Variants in TAFA1 observed in about 807,000 individuals in gnomAD.
TAFA1 encodes the protein TAFA chemokine like family member 1.
In TAFA1, 4 loss-of-function variants were observed where a neutral mutation model predicts 18.5. The observed-to-expected ratio is 0.22, with a 90% CI of 0.11 to 0.49. The LOEUF (loss-of-function observed/expected upper bound fraction) is 0.49. Ranked by LOEUF, TAFA1 falls within the 20% of genes least tolerant of loss-of-function variation. The pLI, the probability that TAFA1 is intolerant of heterozygous loss-of-function variation, is 0.98. For missense variants in TAFA1, 147 were observed against 169.0 expected, an observed-to-expected ratio of 0.87 and a Z score of 0.72; for synonymous variants, 56 against 55.2, an observed-to-expected ratio of 1.01 and a Z score of -0.06.
chr3:67,996,245 G>A, the TAFA1 span, among the ~76,000 whole-genome samples: 1 of 152,144 alleles, frequency 6.6e-6, no homozygotes, highest in Admixed American at 6.5e-5. Flanking sequence ...TGCATGTGCA[G>A]GTGTTTAGGG....
chr3:68,207,282 A>C (rs944316300), intron 2 of TAFA1, among the ~76,000 whole-genome samples: 1 of 151,854 alleles, frequency 6.6e-6, no homozygotes, highest in African/African-American at 2.4e-5. Flanking sequence ...TCAAGATCCT[A>C]CACATTATGC....
intron 2 of TAFA1, among the ~76,000 whole-genome samples, chr3:68,332,252 A>T (rs894929686): frequency 6.6e-6 from 1 of 152,144 alleles, no homozygotes; most frequent in Non-Finnish European, 1.5e-5. Context: ...GGATCCATAC[A>T]TAGAAATCAA....
chr3:68,328,399 A>C (rs531551695), intron 2 of TAFA1, among the ~76,000 whole-genome samples: 9 of 152,120 alleles, frequency 5.9e-5, no homozygotes, highest in Admixed American at 1.3e-4. Flanking sequence ...TGATGATCCT[A>C]TTTAGTTTCA....
intron 3 of TAFA1, among the ~76,000 whole-genome samples, chr3:68,440,989 G>C (rs1048234784): frequency 1.3e-5 from 2 of 152,040 alleles, no homozygotes; most frequent in Admixed American, 6.6e-5. Context: ...TAAAATTAAG[G>C]GATCTTCTAC....
chr3:68,540,667 A>G (rs1203453233), intron 4 of TAFA1, among the ~76,000 whole-genome samples: 1 of 152,188 alleles, frequency 6.6e-6, no homozygotes, highest in Admixed American at 6.5e-5. Context: ...TCTTATTCTC[A>G]TGGTGTCTCC....
At chr3:68,221,331 G>A (rs2066727289) in intron 2 of TAFA1, among the ~76,000 whole-genome samples, 1 of 152,094 alleles carries the variant, frequency 6.6e-6, no homozygotes, top group South Asian at 2.1e-4. Context: ...TCTAAAAAGG[G>A]GGGGATGGGT....
At chr3:68,428,068 C>T (rs1510366) in intron 3 of TAFA1, among the ~76,000 whole-genome samples, 15 of 151,836 alleles carry the variant, frequency 9.9e-5, no homozygotes, top group South Asian at 2.1e-4. Flanking sequence ...ACCCACTAAC[C>T]GGAGCAGAGA....
At chr3:68,011,444 TA>T (rs1383187976) in intron 2 of TAFA1, among the ~76,000 whole-genome samples, 5 of 152,198 alleles carry the variant, frequency 3.3e-5, no homozygotes, top group African/African-American at 1.2e-4. Context: ...TTGCCTTGAT[TA>T]TTACATACTG....
chr3:68,529,807 C>T (rs1290569184), intron 3 of TAFA1, among the ~76,000 whole-genome samples: 3 of 152,130 alleles, frequency 2.0e-5, no homozygotes, highest in African/African-American at 7.2e-5. Context: ...GGGAATTGAC[C>T]TGTTCATGAG....
chr3:68,461,360 CATATAT>C lies in TAFA1; in HGVS notation c.259+43955_259+43960del, dbSNP rs5849840. On this transcript the variant is annotated intron_variant, in intron 3 of 4. Coordinates refer to ENST00000478136, the MANE Select transcript of TAFA1 (RefSeq NM_213609.4). ...GAAGGAACCCAGGCCAATGAAAGTG[CATATAT>C]ATATATATATATATGTATGTATGTA... Among the ~76,000 whole-genome samples, 13 of 106,634 alleles carry C rather than the reference CATATAT, an allele frequency of 1.2e-4. No individual in the cohort carries two copies. The East Asian group carries it at 2.5e-3, about 20-fold the overall frequency. The allele number at this position is 106,634 out of a possible 152,430, so 70.0% of individuals were successfully genotyped here. A position where few individuals can be genotyped will look rare whatever the true frequency, so the allele number is the denominator to read the frequency against.
chr3:68,251,128 T>C (rs2067188090), intron 2 of TAFA1, among the ~76,000 whole-genome samples: 1 of 152,148 alleles, frequency 6.6e-6, no homozygotes. Context: ...TTGTGGCTAT[T>C]CTATTTCTCA....
intron 2 of TAFA1, among the ~76,000 whole-genome samples, chr3:68,117,439 T>G (rs2065337486): frequency 6.6e-6 from 1 of 152,204 alleles, no homozygotes; most frequent in Admixed American, 6.5e-5. Flanking sequence ...GCGGGTATGA[T>G]TTGCTATAAT....
rs17047799 is a variant in TAFA1 at position 68,516,465 on chromosome 3, T to C, written c.260-22291T>C. 4.9e-3 allele frequency among the ~76,000 whole-genome samples: 746 copies of C among 152,322 alleles called. 4 individuals carry two copies. Among genetic ancestry groups the C allele is most frequent in the African/African-American group, 0.017 (705 of 41,574 alleles). ...TGAATGCCAACTGAAAAAATTAGGC[T>C]ACATATGTTGCAGTTCCTTCATATT... On this transcript the variant is annotated intron_variant, in intron 3 of 4. Transcript: ENST00000478136.
intron 2 of TAFA1, among the ~76,000 whole-genome samples, chr3:68,020,418 G>A (rs1704662448): frequency 6.6e-6 from 1 of 152,032 alleles, no homozygotes; most frequent in Non-Finnish European, 1.5e-5. Context: ...ATAGAGTGGG[G>A]GTTTGTAAAA....
At chr3:68,091,773 T>A (rs1241745505) in intron 2 of TAFA1, among the ~76,000 whole-genome samples, 1 of 152,010 alleles carries the variant, frequency 6.6e-6, no homozygotes, top group African/African-American at 2.4e-5. Flanking sequence ...TCACAGAACA[T>A]CAATATCACA....
chr3:68,236,884 C>G (rs1300296731), intron 2 of TAFA1, among the ~76,000 whole-genome samples: 2 of 152,122 alleles, frequency 1.3e-5, no homozygotes, highest in African/African-American at 4.8e-5. Flanking sequence ...GAATTATTGA[C>G]AGCACATCAA....
chr3:68,226,946 A>G (rs977628583), intron 2 of TAFA1, among the ~76,000 whole-genome samples: 18 of 152,190 alleles, frequency 1.2e-4, no homozygotes, highest in African/African-American at 4.1e-4. Flanking sequence ...CTAGCAGTTC[A>G]GAGGAGTAAA....
At chr3:68,322,045 T>C (rs1348046221) in intron 2 of TAFA1, among the ~76,000 whole-genome samples, 2 of 152,198 alleles carry the variant, frequency 1.3e-5, no homozygotes, top group South Asian at 2.1e-4. Context: ...ACTGTGCAAT[T>C]TATAAATACA....
intron 3 of TAFA1, among the ~76,000 whole-genome samples, chr3:68,507,859 A>G (rs2072785950): frequency 6.6e-6 from 1 of 152,112 alleles, no homozygotes; most frequent in South Asian, 2.1e-4. Flanking sequence ...AAGTGTTTTG[A>G]CCTCACAAGA....
Sources: gnomAD v4.1 joint callset for allele counts (sites outside exome capture counted in the v4.1 genomes callset) on GRCh38, gnomAD v4.1.1 for gene constraint, MANE v1.5 for transcripts, NCBI Gene and HGNC (gene_info 2026-07-23, HGNC 2026-07-21) for gene names.